The following PDE12 variants were observed in gnomAD, a reference collection of about 807,000 sequenced individuals.
PDE12 encodes the protein 2',5'-phosphodiesterase 12.
PDE12 carries 26 observed loss-of-function variants against 45.4 expected under a neutral mutation model. That is an observed-to-expected ratio of 0.57 (90% confidence interval 0.42 to 0.79). The LOEUF is 0.79. Among genes scored for constraint, PDE12 ranks in the 30% least tolerant of loss-of-function variants. The pLI, the probability that PDE12 is intolerant of heterozygous loss-of-function variation, is 0.00. For synonymous variants in PDE12, 283 were observed against 323.9 expected (o/e 0.87, Z 1.36); for missense variants, 668 against 790.0 (o/e 0.85, Z 1.85).
chr3:57,585,512 T>C, the PDE12 span, among the ~76,000 whole-genome samples: 1 of 152,152 alleles, frequency 6.6e-6, no homozygotes, highest in Non-Finnish European at 1.5e-5. Flanking sequence ...CATTACCTAA[T>C]GTAAACAACG....
the PDE12 span, among the ~76,000 whole-genome samples, chr3:57,610,722 G>C: frequency 6.6e-6 from 1 of 151,926 alleles, no homozygotes; most frequent in Non-Finnish European, 1.5e-5. Flanking sequence ...ACCACTGCTC[G>C]AGGAAATAAA....
chr3:57,655,646 G>A, the PDE12 span, among the ~76,000 whole-genome samples: 3 of 152,076 alleles, frequency 2.0e-5, no homozygotes, highest in African/African-American at 4.8e-5. Flanking sequence ...ATTACGTTCA[G>A]GCTATGTGTA....
the PDE12 span, chr3:57,627,725 G>A: frequency 6.5e-6 from 1 of 153,022 alleles, no homozygotes; most frequent in Non-Finnish European, 1.5e-5. Context: ...CAGCTGAACT[G>A]TGAAACATGT....
At chr3:57,557,773 G>A in intron 1 of PDE12, 86 bp downstream of exon 1, 1 of 1,180,854 alleles carries the variant, frequency 8.5e-7, no homozygotes, top group South Asian at 1.4e-5. Flanking sequence ...TTAAAAGTGC[G>A]ATGAAAGTAT....
the PDE12 span, among the ~76,000 whole-genome samples, chr3:57,581,928 G>A: frequency 6.6e-6 from 1 of 152,176 alleles, no homozygotes; most frequent in Non-Finnish European, 1.5e-5. Flanking sequence ...CTATTTGTAG[G>A]TGTACAGATT....
the PDE12 span, chr3:57,627,846 G>A: frequency 5.8e-6 from 1 of 171,314 alleles, no homozygotes; most frequent in South Asian, 1.5e-4. Context: ...ATATCCCCCT[G>A]AGTTTTAACA....
At chr3:57,590,132 T>TAAATAAAA in the PDE12 span, among the ~76,000 whole-genome samples, 587 of 136,254 alleles carry the variant, frequency 4.3e-3, 3 homozygotes, top group Admixed American at 7.4e-3. Flanking sequence ...AATAAATAAA[T>TAAATAAAA]AAAACAAAAA....
the PDE12 span, among the ~76,000 whole-genome samples, chr3:57,650,466 CCTAG>C: frequency 6.6e-6 from 1 of 150,482 alleles, no homozygotes; most frequent in East Asian, 2.0e-4. Flanking sequence ...ACACACACAT[CCTAG>C]CTTTGTCCAC....
chr3:57,632,406 A>G, the PDE12 span, among the ~76,000 whole-genome samples: 2 of 151,868 alleles, frequency 1.3e-5, no homozygotes, highest in Non-Finnish European at 2.9e-5. Flanking sequence ...TGTAGTCTCA[A>G]AGTCCTGGCC....
chr3:57,639,267 T>C, the PDE12 span, among the ~76,000 whole-genome samples: 1 of 152,160 alleles, frequency 6.6e-6, no homozygotes, highest in African/African-American at 2.4e-5. Flanking sequence ...CAACATCAAA[T>C]GTTGGCAGAG....
chr3:57,614,748 G>A, the PDE12 span, among the ~76,000 whole-genome samples: 5 of 151,054 alleles, frequency 3.3e-5, no homozygotes, highest in African/African-American at 9.7e-5. Context: ...AGGCCGAGGC[G>A]GGTGTAATCA....
the PDE12 span, chr3:57,628,195 T>A: frequency 6.2e-7 from 1 of 1,608,472 alleles, no homozygotes; most frequent in Non-Finnish European, 8.5e-7. Flanking sequence ...CCTTTTTGGC[T>A]GGAAAATCTT....
chr3:57,588,354 C>A, the PDE12 span, among the ~76,000 whole-genome samples: 1 of 152,206 alleles, frequency 6.6e-6, no homozygotes, highest in South Asian at 2.1e-4. Context: ...CGCTTGAGCC[C>A]AGGAGTTTGA....
At chr3:57,613,621 T>G in the PDE12 span, among the ~76,000 whole-genome samples, 1 of 150,754 alleles carries the variant, frequency 6.6e-6, no homozygotes, top group African/African-American at 2.4e-5. Flanking sequence ...AGACATAGGC[T>G]GGGCACCTGT....
At chr3:57,614,008 G>A in the PDE12 span, among the ~76,000 whole-genome samples, 2 of 151,654 alleles carry the variant, frequency 1.3e-5, no homozygotes, top group African/African-American at 2.4e-5. Context: ...AGAAAGCCAG[G>A]ATAATTCTAC....
At position 57,560,616 on chromosome 3, in the gene PDE12, G is replaced by A. The variant is rs544787037; in HGVS notation, c.*612G>A. 2.0e-6 allele frequency: 2 copies of A among 984,384 alleles called. No individual in the cohort carries two copies. Among genetic ancestry groups the A allele is most frequent in the Admixed American group, 6.1e-5 (1 of 16,276 alleles). 61.0% of individuals were successfully genotyped at this position (984,384 alleles called of 1,614,324 possible). On this transcript the variant is annotated 3_prime_UTR_variant, in exon 3 of 3. Transcript: ENST00000311180. ...GTTGGGATTACAGGCGTGAGCCACC[G>A]CACCCGGCCCTTGTGTACATTTTTA...
the PDE12 span, among the ~76,000 whole-genome samples, chr3:57,624,492 G>C: frequency 8.6e-3 from 1,314 of 152,122 alleles, 14 homozygotes; most frequent in South Asian, 0.05. Flanking sequence ...GGGGTCTCAG[G>C]TGCAGTGGCT....
At chr3:57,615,492 AAAAG>A in the PDE12 span, among the ~76,000 whole-genome samples, 1 of 151,018 alleles carries the variant, frequency 6.6e-6, no homozygotes, top group Non-Finnish European at 1.5e-5. Flanking sequence ...CAAAGTAAAC[AAAAG>A]AAAGACTAAA....
At chr3:57,620,706 T>C in the PDE12 span, among the ~76,000 whole-genome samples, 1 of 152,138 alleles carries the variant, frequency 6.6e-6, no homozygotes, top group Non-Finnish European at 1.5e-5. Context: ...AAATTGTAAA[T>C]TTAAATTTTA....
Sources: gnomAD v4.1 joint callset for allele counts (sites outside exome capture counted in the v4.1 genomes callset) on GRCh38, gnomAD v4.1.1 for gene constraint, MANE v1.5 for transcripts, NCBI Gene and HGNC (gene_info 2026-07-23, HGNC 2026-07-21) for gene names.